Variants in GPD1L observed in about 807,000 individuals in gnomAD.
GPD1L encodes glycerol-3-phosphate dehydrogenase 1-like protein.
Under a neutral mutation model 32.9 loss-of-function variants are expected in GPD1L, and 17 were observed. That is an observed-to-expected ratio of 0.52 (90% confidence interval 0.35 to 0.78). GPD1L has a LOEUF of 0.78. Among genes scored for constraint, GPD1L ranks in the 30% least tolerant of loss-of-function variants. The pLI is 0.01. For synonymous variants in GPD1L, 187 were observed against 165.9 expected (o/e 1.13, Z -0.98); for missense variants, 361 against 447.8 (o/e 0.81, Z 1.75).
chr3:32,144,508 A>G (rs1421362719), intron 4 of GPD1L, among the ~76,000 whole-genome samples: 1 of 152,210 alleles, frequency 6.6e-6, no homozygotes, highest in Non-Finnish European at 1.5e-5. Flanking sequence ...AAGGAGTTTT[A>G]TTACATAGGT....
chr3:32,108,585 C>A (rs1700198193), intron 1 of GPD1L, among the ~76,000 whole-genome samples: 1 of 152,188 alleles, frequency 6.6e-6, no homozygotes, highest in South Asian at 2.1e-4. Context: ...CATCACCCAT[C>A]CACATTTATC....
chr3:32,164,561 C>A (rs536880646), intron 7 of GPD1L, among the ~76,000 whole-genome samples: 1 of 152,202 alleles, frequency 6.6e-6, no homozygotes, highest in Non-Finnish European at 1.5e-5. Context: ...TTAATACTTG[C>A]AGCAAGGCTG....
chr3:32,154,635 A>G (rs1321865492), intron 5 of GPD1L, among the ~76,000 whole-genome samples: 2 of 152,212 alleles, frequency 1.3e-5, no homozygotes, highest in Non-Finnish European at 2.9e-5. Context: ...CCATGATAAT[A>G]GGACCTGCCC....
chr3:32,121,739 ATATATATATTTCTATATATATATATTTC>A (rs1700423984), intron 1 of GPD1L, among the ~76,000 whole-genome samples: 1 of 139,136 alleles, frequency 7.2e-6, no homozygotes, highest in South Asian at 2.2e-4. Context: ...ATATATTTCT[ATATATATATTTCTATATATATATATTTC>A]TATATATATA....
At chr3:32,120,736 A>G (rs575336133) in intron 1 of GPD1L, among the ~76,000 whole-genome samples, 1 of 152,342 alleles carries the variant, frequency 6.6e-6, no homozygotes, top group South Asian at 2.1e-4. Flanking sequence ...CAAGTTATAC[A>G]TAACCCAGTC....
At chr3:32,157,756 A>G (rs761051211) in intron 5 of GPD1L, among the ~76,000 whole-genome samples, 3 of 152,170 alleles carry the variant, frequency 2.0e-5, no homozygotes, top group Non-Finnish European at 4.4e-5. Context: ...CAAATCTGCA[A>G]CCATAGACGA....
rs568151880 is a variant in GPD1L at position 32,141,529 on chromosome 3, C to G, written c.505+1163C>G. On this transcript the variant is annotated intron_variant, in intron 4 of 7. Coordinates refer to ENST00000282541, the MANE Select transcript of GPD1L (RefSeq NM_015141.4). The stretch of plus-strand genomic sequence containing the variant: ...TCATAACTGCATAGCATTCCATCAG[C>G]AATTCCATATATTTGGATACAAAAC... Among the ~76,000 whole-genome samples the G allele has an allele frequency of 3.9e-5, 6 of 152,266 alleles. No homozygotes were observed. In the East Asian group the frequency reaches 1.2e-3, roughly 29 times the overall value.
At chr3:32,137,941 A>G (rs549367990) in intron 2 of GPD1L, among the ~76,000 whole-genome samples, 3 of 152,330 alleles carry the variant, frequency 2.0e-5, no homozygotes, top group Middle Eastern at 6.8e-3. Flanking sequence ...TAGCAACAGC[A>G]GGAAGCCATT....
intron 1 of GPD1L, among the ~76,000 whole-genome samples, chr3:32,118,365 A>G (rs993882479): frequency 1.5e-4 from 23 of 152,164 alleles, no homozygotes; most frequent in African/African-American, 3.4e-4. Context: ...CAACACTTCA[A>G]TGTGCATGTG....
At chr3:32,142,925 G>A (rs986141144) in intron 4 of GPD1L, among the ~76,000 whole-genome samples, 1 of 152,194 alleles carries the variant, frequency 6.6e-6, no homozygotes, top group African/African-American at 2.4e-5. Flanking sequence ...TTTCTGGGTG[G>A]AGTAGCTCTC....
At chr3:32,140,649 G>C (rs1179476450) in intron 4 of GPD1L, among the ~76,000 whole-genome samples, 1 of 152,076 alleles carries the variant, frequency 6.6e-6, no homozygotes, top group Non-Finnish European at 1.5e-5. Flanking sequence ...AAAAGTGCAA[G>C]GTTGCTTGTA....
At chr3:32,111,438 G>A (rs1180898097) in intron 1 of GPD1L, among the ~76,000 whole-genome samples, 1 of 152,174 alleles carries the variant, frequency 6.6e-6, no homozygotes, top group African/African-American at 2.4e-5. Flanking sequence ...TAAGAATCAT[G>A]TATTGATACC....
intron 5 of GPD1L, among the ~76,000 whole-genome samples, chr3:32,149,167 C>G (rs995704635): frequency 1.3e-5 from 2 of 152,172 alleles, no homozygotes; most frequent in Admixed American, 1.3e-4. Context: ...TCAAGCTGTC[C>G]TCCCACCTCT....
chr3:32,113,016 C>T (rs12634660), intron 1 of GPD1L, among the ~76,000 whole-genome samples: 62,740 of 151,998 alleles, frequency 0.41, 14,711 homozygotes, highest in East Asian at 0.64. Flanking sequence ...AGCATACTTT[C>T]ACATGAGGAT....
rs751879292 is a variant in GPD1L at position 32,159,694 on chromosome 3, A to G, written c.959+20A>G. The G allele has an allele frequency of 5.2e-6, 7 of 1,339,558 alleles. No individual in the cohort carries two copies. Among genetic ancestry groups the G allele is most frequent in the South Asian group, 1.2e-5 (1 of 85,588 alleles). The allele number at this position is 1,339,558 out of a possible 1,614,324, so 83.0% of individuals were successfully genotyped here. A position where few individuals can be genotyped will look rare whatever the true frequency, so the allele number is the denominator to read the frequency against. On this transcript the variant is annotated intron_variant, in intron 7 of 7. Coordinates refer to ENST00000282541, the MANE Select transcript of GPD1L (RefSeq NM_015141.4). The stretch of plus-strand genomic sequence containing the variant: ...GGACAAGTAAGTCTCTCAGTCGCCC[A>G]TGAGACCAGATAAATGTCCATCATT...
chr3:32,126,142 TTG>T (rs1307875408), intron 1 of GPD1L, among the ~76,000 whole-genome samples: 1 of 152,164 alleles, frequency 6.6e-6, no homozygotes, highest in Admixed American at 6.5e-5. Context: ...CTGCAGTGAA[TTG>T]TGACTGTGCC....
At chr3:32,164,401 A>G (rs1222051699) in intron 7 of GPD1L, among the ~76,000 whole-genome samples, 2 of 152,254 alleles carry the variant, frequency 1.3e-5, no homozygotes, top group African/African-American at 4.8e-5. Context: ...CTGAGGATAC[A>G]GTAGTGAAAA....
chr3:32,149,091 C>T (rs1037266325), intron 5 of GPD1L, among the ~76,000 whole-genome samples: 7 of 152,206 alleles, frequency 4.6e-5, no homozygotes, highest in South Asian at 4.1e-4. Context: ...GACAAGGTCT[C>T]GCTGTGCTGC....
At chr3:32,142,936 G>A (rs1433134942) in intron 4 of GPD1L, among the ~76,000 whole-genome samples, 2 of 152,118 alleles carry the variant, frequency 1.3e-5, no homozygotes, top group Non-Finnish European at 2.9e-5. Flanking sequence ...AGTAGCTCTC[G>A]TGAGGCTAAA....
Sources: allele counts gnomAD v4.1 joint callset (sites outside exome capture counted in the v4.1 genomes callset), GRCh38; gene constraint gnomAD v4.1.1; transcripts MANE v1.5; gene names NCBI Gene and HGNC (gene_info 2026-07-23, HGNC 2026-07-21).